AKAP10: variants seen among roughly 807,000 people sequenced by gnomAD.
The protein encoded by AKAP10 is A-kinase anchor protein 10, mitochondrial.
AKAP10 carries 24 observed loss-of-function variants against 80.8 expected under a neutral mutation model. That is an observed-to-expected ratio of 0.30 (90% confidence interval 0.22 to 0.42). AKAP10 has a LOEUF of 0.42. AKAP10 is among the 10% of genes least tolerant of loss of function. AKAP10 has a pLI of 1.00. For synonymous variants in AKAP10, 291 were observed against 277.7 expected, an observed-to-expected ratio of 1.05 and a Z score of -0.48; for missense variants, 661 against 794.9, an observed-to-expected ratio of 0.83 and a Z score of 2.03.
chr17:19,961,021 T>C (rs949168364), intron 3 of AKAP10, among the ~76,000 whole-genome samples: 5 of 143,336 alleles, frequency 3.5e-5, no homozygotes, highest in South Asian at 2.1e-4. Flanking sequence ...CGTCTACAAA[T>C]AAATAAACAA....
chr17:19,942,947 C>A (rs1430452111), intron 5 of AKAP10, among the ~76,000 whole-genome samples: 1 of 151,952 alleles, frequency 6.6e-6, no homozygotes, highest in Non-Finnish European at 1.5e-5. Context: ...GTCACCCAAG[C>A]CGGAGTCAGT....
chr17:19,909,014 C>A (rs1394278573), intron 14 of AKAP10, among the ~76,000 whole-genome samples, 167 bp downstream of exon 14: 7 of 152,206 alleles, frequency 4.6e-5, no homozygotes, highest in African/African-American at 1.7e-4. Context: ...CCAATATATG[C>A]AAACAGTTGT....
chr17:19,967,581 C>T (rs974565675), intron 2 of AKAP10, among the ~76,000 whole-genome samples: 3 of 152,186 alleles, frequency 2.0e-5, no homozygotes, highest in Non-Finnish European at 4.4e-5. Flanking sequence ...ACACACAAGG[C>T]TCAGTAAAAG....
At chr17:19,910,096 G>T in intron 12 of AKAP10, 118 bp from the exon 13 acceptor site, 1 of 889,488 alleles carries the variant, frequency 1.1e-6, no homozygotes, top group Non-Finnish European at 1.7e-6. Flanking sequence ...GGGAGGCCGA[G>T]GTGGGTGATT....
intron 1 of AKAP10, among the ~76,000 whole-genome samples, chr17:19,974,945 A>G (rs2043546684): frequency 6.6e-6 from 1 of 152,138 alleles, no homozygotes; most frequent in African/African-American, 2.4e-5. Flanking sequence ...CCTTGATTAC[A>G]GGCATGAGCC....
At chr17:19,913,132 C>A (rs935043885) in intron 12 of AKAP10, among the ~76,000 whole-genome samples, 11 of 150,890 alleles carry the variant, frequency 7.3e-5, no homozygotes, top group African/African-American at 2.4e-4. Flanking sequence ...TACTCGTACC[C>A]GCCACCACGC....
At chr17:19,906,542 A>G (rs1193959051) in intron 14 of AKAP10, among the ~76,000 whole-genome samples, 1 of 152,220 alleles carries the variant, frequency 6.6e-6, no homozygotes, top group African/African-American at 2.4e-5. Flanking sequence ...CAATAGAGTA[A>G]TTCTACTTCT....
At chr17:19,961,632 C>A (rs116399892) in intron 3 of AKAP10, among the ~76,000 whole-genome samples, 502 of 152,200 alleles carry the variant, frequency 3.3e-3, no homozygotes, top group African/African-American at 0.012. Flanking sequence ...CTTATGACAA[C>A]ATGACATGCA....
intron 2 of AKAP10, among the ~76,000 whole-genome samples, chr17:19,964,376 C>G (rs1644539359): frequency 6.6e-6 from 1 of 152,136 alleles, no homozygotes; most frequent in African/African-American, 2.4e-5. Flanking sequence ...TCCTAATTTC[C>G]TCTTCTATCT....
At chr17:19,959,009 C>A (rs918371828) in intron 3 of AKAP10, among the ~76,000 whole-genome samples, 2 of 151,950 alleles carry the variant, frequency 1.3e-5, no homozygotes, top group Admixed American at 1.3e-4. Context: ...CCCGCCACCA[C>A]GCTGAGCTAG....
rs949364290 is a variant in AKAP10 at position 19,956,907 on chromosome 17, T to C, written c.877+1107A>G. Among the ~76,000 whole-genome samples, 9 of 150,044 alleles carry C rather than the reference T, an allele frequency of 6.0e-5. No homozygotes were observed. In the South Asian group the frequency reaches 1.9e-3, roughly 32 times the overall value. ...TAATCCCAGCTCCTCGGGAGCCTGGTTGAGGGAAGGAAGGAGGGAGGGAGG... is the reference window on the plus strand; with the variant it reads ...TAATCCCAGCTCCTCGGGAGCCTGGCTGAGGGAAGGAAGGAGGGAGGGAGG... On this transcript the variant is annotated intron_variant, in intron 4 of 14. Coordinates refer to ENST00000225737, the MANE Select transcript of AKAP10 (RefSeq NM_007202.4).
chr17:19,920,483 A>G (rs776079059), intron 11 of AKAP10, among the ~76,000 whole-genome samples: 9 of 152,234 alleles, frequency 5.9e-5, no homozygotes, highest in Non-Finnish European at 1.2e-4. Context: ...CATATTATAA[A>G]GCCATAGTTG....
At chr17:19,906,704 ATTCAG>A (rs1255869956) in intron 14 of AKAP10, among the ~76,000 whole-genome samples, 1 of 152,202 alleles carries the variant, frequency 6.6e-6, no homozygotes, top group Non-Finnish European at 1.5e-5. Flanking sequence ...ACATGAAGCA[ATTCAG>A]TAATGGTGTG....
chr17:19,959,938 T>C (rs542063637), intron 3 of AKAP10, among the ~76,000 whole-genome samples: 2 of 152,170 alleles, frequency 1.3e-5, no homozygotes, highest in Non-Finnish European at 2.9e-5. Flanking sequence ...TAGATTCACA[T>C]GAAGTTCTAA....
intron 8 of AKAP10, among the ~76,000 whole-genome samples, chr17:19,938,200 T>TA (rs1321227216): frequency 1.3e-5 from 2 of 151,628 alleles, no homozygotes; most frequent in Non-Finnish European, 2.9e-5. Context: ...GTGCTGGGAT[T>TA]ACAGGTGTGA....
chr17:19,957,264 G>C (rs116856982), intron 4 of AKAP10, among the ~76,000 whole-genome samples: 3 of 151,304 alleles, frequency 2.0e-5, no homozygotes, highest in East Asian at 3.9e-4. Flanking sequence ...TAATCAGTCC[G>C]GGCGCGGTGG....
At position 19,936,511 on chromosome 17, in the gene AKAP10, T is replaced by C. The variant is rs561726041; in HGVS notation, c.1323-81A>G. On this transcript the variant is annotated intron_variant, in intron 8 of 14. Coordinates refer to ENST00000225737, the MANE Select transcript of AKAP10 (RefSeq NM_007202.4). The stretch of plus-strand genomic sequence containing the variant: ...TTTCAGCACCTCCTCCAGAGAATCT[T>C]ATACAAGGCTACTTGATTGAGCCTG... The C allele has an allele frequency of 6.7e-6, 9 of 1,349,388 alleles. No homozygotes were observed. The East Asian group carries it at 7.3e-5, about 11-fold the overall frequency. The allele number at this position is 1,349,388 out of a possible 1,614,324, so 83.6% of individuals were successfully genotyped here.
intron 4 of AKAP10, among the ~76,000 whole-genome samples, chr17:19,948,816 C>T (rs775687857): frequency 3.0e-4 from 46 of 152,108 alleles, no homozygotes; most frequent in Non-Finnish European, 4.6e-4. Context: ...TGACCATTGG[C>T]CAGGTCCCAG....
Position 19,920,459 on chromosome 17 carries a change from AACAATG to A in AKAP10, c.1752-347_1752-342del, listed in dbSNP as rs1276580515. 7.9e-5 allele frequency among the ~76,000 whole-genome samples: 12 copies of A among 152,330 alleles called. No homozygotes were observed. The South Asian group carries it at 2.5e-3, about 32-fold the overall frequency. On this transcript the variant is annotated intron_variant, in intron 11 of 14. Coordinates refer to ENST00000225737, the MANE Select transcript of AKAP10 (RefSeq NM_007202.4). ...GCACCCAAAAGGTAGGCCTTGCTCT[AACAATG>A]ACTGAAACATATTATAAAGCCATAG...
Sources: gnomAD v4.1 joint callset for allele counts (sites outside exome capture counted in the v4.1 genomes callset) on GRCh38, gnomAD v4.1.1 for gene constraint, MANE v1.5 for transcripts, NCBI Gene and HGNC (gene_info 2026-07-23, HGNC 2026-07-21) for gene names.